The following PLA2G2C variants were observed in gnomAD, a reference collection of about 807,000 sequenced individuals.
PLA2G2C encodes putative inactive group IIC secretory phospholipase A2.
PLA2G2C carries 15 observed loss-of-function variants against 14.3 expected under a neutral mutation model. The observed-to-expected ratio is 1.05, with a 90% CI of 0.70 to 1.62. The LOEUF is 1.62. PLA2G2C is among the 40% of genes most tolerant of loss of function. PLA2G2C has a pLI of 0.00. For missense variants in PLA2G2C, 162 were observed against 173.2 expected (o/e 0.94, Z 0.36); for synonymous variants, 79 against 67.7 (o/e 1.17, Z -0.82).
chr1:20,183,975 G>A (rs1378085195), intron 1 of PLA2G2C, among the ~76,000 whole-genome samples: 1 of 152,186 alleles, frequency 6.6e-6, no homozygotes, highest in Non-Finnish European at 1.5e-5. Flanking sequence ...TCTGTCCTTT[G>A]AAGACATCCT....
At chr1:20,173,013 T>A (rs1168797238) in intron 3 of PLA2G2C, 116 bp from the exon 4 acceptor site, 2 of 695,862 alleles carry the variant, frequency 2.9e-6, no homozygotes, top group Middle Eastern at 3.9e-4. Context: ...GAATTATCAA[T>A]AATATTAAAC....
intron 3 of PLA2G2C, 29 bp downstream of exon 3, chr1:20,174,978 A>C (rs1450906916): frequency 2.5e-6 from 4 of 1,579,264 alleles, no homozygotes; most frequent in Non-Finnish European, 3.4e-6. Flanking sequence ...AAAACAAATG[A>C]TAAGTGGCCT....
chr1:20,170,501 G>T lies in PLA2G2C; in HGVS notation c.283+2293C>A, dbSNP rs149399299. On this transcript the variant is annotated intron_variant, in intron 4 of 4. Transcript: ENST00000679259. ...CCCTGGCACAGCACCGGCACTGGGCGGGTACCCAGTGGATGCTCGCTCAAT... is the reference window on the plus strand; with the variant it reads ...CCCTGGCACAGCACCGGCACTGGGCTGGTACCCAGTGGATGCTCGCTCAAT... Among the ~76,000 whole-genome samples, 516 of 152,270 alleles carry T rather than the reference G, an allele frequency of 3.4e-3. 2 individuals carry two copies. Among genetic ancestry groups the T allele is most frequent in the African/African-American group, 0.012 (485 of 41,566 alleles).
chr1:20,175,029 T>A lies in PLA2G2C; in HGVS notation c.157A>T (p.Ile53Phe), dbSNP rs982649621. 6.2e-7 allele frequency: 1 copy of A among 1,613,648 alleles called. No homozygotes were observed. The highest frequency in any genetic ancestry group is 8.5e-7 in the Non-Finnish European group (1 of 1,179,766). ...GCYCGLGDKG[I>F]PVDDTDRHSP... is the part of the protein sequence containing the mutation. ...CACCTGTCAGTGTCATCCACGGGGA[T>A]CCCTTTATCCCCAAGCCCACAGTAG... Residue 53 changes from isoleucine (I) to phenylalanine (F), a missense_variant, in exon 3 of 5, where the codon ATC (isoleucine) becomes TTC (phenylalanine). Physicochemically the swap from Ile to Phe is conservative, Grantham distance 21. Coordinates refer to ENST00000679259, the MANE Select transcript of PLA2G2C (RefSeq NM_001367969.2).
intron 4 of PLA2G2C, among the ~76,000 whole-genome samples, chr1:20,165,052 G>A (rs1012296459): frequency 2.6e-5 from 4 of 152,134 alleles, no homozygotes; most frequent in Admixed American, 1.3e-4. Flanking sequence ...CGTGGCCTCC[G>A]TGGCCAGGCA....
rs1009447828 is a variant in PLA2G2C at position 20,163,690 on chromosome 1, T to G, written c.*301A>C. On this transcript the variant is annotated 3_prime_UTR_variant, in exon 5 of 5. Coordinates refer to ENST00000679259, the MANE Select transcript of PLA2G2C (RefSeq NM_001367969.2). ...TGTTTTACTGCATCATAGCACTTACTACAGTCTAATGTGTCTCTTACTTCT... is the reference window on the plus strand; with the variant it reads ...TGTTTTACTGCATCATAGCACTTACGACAGTCTAATGTGTCTCTTACTTCT... 9 of 303,412 alleles carry G rather than the reference T, an allele frequency of 3.0e-5. No individual in the cohort carries two copies. In the Admixed American group the frequency reaches 3.9e-4, roughly 13 times the overall value. The allele number at this position is 303,412 out of a possible 1,614,324, so 18.8% of individuals were successfully genotyped here.
intron 1 of PLA2G2C, among the ~76,000 whole-genome samples, chr1:20,183,053 C>T (rs751663558): frequency 2.6e-5 from 4 of 152,198 alleles, no homozygotes; most frequent in Admixed American, 1.3e-4. Context: ...CAGGGGATTC[C>T]GAGACAGGCA....
chr1:20,182,108 T>G (rs1487013722), intron 1 of PLA2G2C, among the ~76,000 whole-genome samples: 1 of 152,156 alleles, frequency 6.6e-6, no homozygotes, highest in Non-Finnish European at 1.5e-5. Flanking sequence ...GTGTTCTGCT[T>G]AACAAGACTG....
At chr1:20,166,065 G>A (rs185471984) in intron 4 of PLA2G2C, among the ~76,000 whole-genome samples, 6 of 152,334 alleles carry the variant, frequency 3.9e-5, no homozygotes, top group South Asian at 2.1e-4. Context: ...GGTGTCTACC[G>A]ACAAGTGGTC....
At chr1:20,174,968 A>C in intron 3 of PLA2G2C, 39 bp downstream of exon 3, 1 of 1,566,948 alleles carries the variant, frequency 6.4e-7, no homozygotes. Context: ...ACTTTAATGC[A>C]AAACAAATGA....
At chr1:20,168,308 C>T (rs760815772) in intron 4 of PLA2G2C, among the ~76,000 whole-genome samples, 4 of 152,222 alleles carry the variant, frequency 2.6e-5, no homozygotes, top group Admixed American at 6.5e-5. Context: ...GTATTGAGTT[C>T]CCAACATGTG....
chr1:20,163,974 G>A lies in PLA2G2C; in HGVS notation c.*17C>T, dbSNP rs112217304. Reference sequence around the variant, plus strand: ...CTAGAGCGGATGCTGGATGATGAGAGGGACCCTGTGGTGTCCCTAGCACCA... The same window carrying A: ...CTAGAGCGGATGCTGGATGATGAGAAGGACCCTGTGGTGTCCCTAGCACCA... On this transcript the variant is annotated 3_prime_UTR_variant, in exon 5 of 5. Transcript: ENST00000679259. 3,221 of 1,607,220 alleles carry A rather than the reference G, an allele frequency of 2.0e-3. 47 individuals are homozygous for A. In the African/African-American group the frequency reaches 0.034, roughly 17 times the overall value.
chr1:20,175,212 C>G, intron 2 of PLA2G2C, 67 bp from the exon 3 acceptor site: 2 of 1,610,884 alleles, frequency 1.2e-6, no homozygotes, highest in Non-Finnish European at 1.7e-6. Flanking sequence ...CCTTGATGTC[C>G]CCTCCCCTTA....
chr1:20,169,916 G>A (rs924897701), intron 4 of PLA2G2C, among the ~76,000 whole-genome samples: 15 of 152,210 alleles, frequency 9.9e-5, no homozygotes, highest in African/African-American at 3.6e-4. Context: ...AGAGCATTCT[G>A]ACCAGTTTGC....
intron 2 of PLA2G2C, among the ~76,000 whole-genome samples, chr1:20,176,583 C>G (rs2018188030): frequency 6.6e-6 from 1 of 152,246 alleles, no homozygotes; most frequent in Admixed American, 6.5e-5. Flanking sequence ...GTCCCTGGAG[C>G]CGCACTGAGG....
At position 20,171,498 on chromosome 1, in the gene PLA2G2C, G is replaced by A. The variant is rs569031232; in HGVS notation, c.283+1296C>T. 2.2e-4 allele frequency among the ~76,000 whole-genome samples: 34 copies of A among 152,272 alleles called. No individual in the cohort carries two copies. The South Asian group carries it at 6.6e-3, about 30-fold the overall frequency. ...GTCCTAACTCTGGGTATTGGTGTGT[G>A]CTGAGCTGAAGTGGTGGGTTGGGGG... On this transcript the variant is annotated intron_variant, in intron 4 of 4. Coordinates refer to ENST00000679259, the MANE Select transcript of PLA2G2C (RefSeq NM_001367969.2).
At chr1:20,176,155 G>A (rs1338520061) in intron 2 of PLA2G2C, among the ~76,000 whole-genome samples, 1 of 152,072 alleles carries the variant, frequency 6.6e-6, no homozygotes, top group Non-Finnish European at 1.5e-5. Context: ...CTGACCTCAG[G>A]TGATCCGCCC....
At chr1:20,174,893 CT>C (rs1221942248) in intron 3 of PLA2G2C, 113 bp downstream of exon 3, 2 of 1,105,052 alleles carry the variant, frequency 1.8e-6, no homozygotes, top group Non-Finnish European at 2.5e-6. Context: ...TTCCATTAGC[CT>C]GAGTTGTTTT....
rs2017910484 is a variant in PLA2G2C, at chr1:20,163,773, G to A, written c.*218C>T. On this transcript the variant is annotated 3_prime_UTR_variant, in exon 5 of 5. Coordinates refer to ENST00000679259, the MANE Select transcript of PLA2G2C (RefSeq NM_001367969.2). ...CAGAATGCCAGCTCCTGCAGGGCAG[G>A]CATCTCATCTTTCCCATTTCTGCTC... 2 of 549,386 alleles carry A rather than the reference G, an allele frequency of 3.6e-6. No homozygotes were observed. The highest frequency in any genetic ancestry group is 6.4e-6 in the Non-Finnish European group (2 of 313,610). The allele number at this position is 549,386 out of a possible 1,614,324, so 34.0% of individuals were successfully genotyped here.
Sources: allele counts gnomAD v4.1 joint callset (sites outside exome capture counted in the v4.1 genomes callset), GRCh38; gene constraint gnomAD v4.1.1; transcripts MANE v1.5; gene names NCBI Gene and HGNC (gene_info 2026-07-23, HGNC 2026-07-21).